KLF12: variants seen among roughly 807,000 people sequenced by gnomAD.
KLF12 encodes KLF transcription factor 12.
A neutral mutation model predicts 37.8 loss-of-function variants in KLF12; 9 were observed. The observed-to-expected ratio is 0.24, with a 90% CI of 0.14 to 0.42. The LOEUF (loss-of-function observed/expected upper bound fraction) is 0.42. Ranked by LOEUF, KLF12 falls within the 10% of genes least tolerant of loss-of-function variation. KLF12 has a pLI of 1.00. For synonymous variants in KLF12, 208 were observed against 202.1 expected (o/e 1.03, Z -0.25); for missense variants, 411 against 516.0 (o/e 0.80, Z 1.97).
chr13:73,715,327 C>G (rs1306685471), intron 7 of KLF12, 41 bp downstream of exon 7: 12 of 1,581,652 alleles, frequency 7.6e-6, no homozygotes, highest in Non-Finnish European at 1.0e-5. Flanking sequence ...GCTTTATGGA[C>G]TCTCACTGGC....
chr13:73,741,501 T>C (rs1483958778), intron 6 of KLF12, among the ~76,000 whole-genome samples: 1 of 152,222 alleles, frequency 6.6e-6, no homozygotes, highest in African/African-American at 2.4e-5. Flanking sequence ...ATCTGCCAGA[T>C]CCCAACTATT....
chr13:73,771,113 G>C (rs555073034), intron 5 of KLF12, among the ~76,000 whole-genome samples: 18 of 152,212 alleles, frequency 1.2e-4, no homozygotes, highest in Middle Eastern at 3.4e-3. Flanking sequence ...TCAACTGTAA[G>C]ATGCCCTCCC....
the KLF12 span, among the ~76,000 whole-genome samples, chr13:74,243,010 T>C: frequency 6.6e-6 from 1 of 152,202 alleles, no homozygotes; most frequent in African/African-American, 2.4e-5. Context: ...TACATAGGTA[T>C]ACATGTGCCA....
intron 1 of KLF12, among the ~76,000 whole-genome samples, chr13:74,067,579 C>T (rs1477269151): frequency 6.6e-6 from 1 of 152,046 alleles, no homozygotes; most frequent in African/African-American, 2.4e-5. Context: ...AAAGGCCTTT[C>T]AAGTATTGAA....
At chr13:73,828,010 C>G (rs1883944534) in intron 4 of KLF12, among the ~76,000 whole-genome samples, 1 of 152,060 alleles carries the variant, frequency 6.6e-6, no homozygotes, top group Non-Finnish European at 1.5e-5. Flanking sequence ...CTTTATGAGT[C>G]TTATCAGCAT....
chr13:73,836,093 A>C (rs576390952), intron 4 of KLF12, among the ~76,000 whole-genome samples: 1 of 152,260 alleles, frequency 6.6e-6, no homozygotes, highest in African/African-American at 2.4e-5. Flanking sequence ...ACAATTGGCC[A>C]ATGATCAAAG....
intron 1 of KLF12, 107 bp from the exon 2 acceptor site, chr13:73,995,160 G>T: frequency 1.4e-6 from 1 of 710,162 alleles, no homozygotes; most frequent in Non-Finnish European, 2.4e-6. Context: ...CCTTAAGCTC[G>T]TGATCATAGA....
intron 4 of KLF12, among the ~76,000 whole-genome samples, chr13:73,831,358 G>A (rs115371981): frequency 0.012 from 1,853 of 152,144 alleles, 18 homozygotes; most frequent in African/African-American, 0.028. Flanking sequence ...GTTGGTTATT[G>A]TCAGGCTTAA....
At chr13:73,714,639 C>T (rs962632415) in intron 7 of KLF12, among the ~76,000 whole-genome samples, 1 of 152,270 alleles carries the variant, frequency 6.6e-6, no homozygotes, top group Middle Eastern at 3.4e-3. Context: ...TTGCCAGGGC[C>T]TTGCACTGGA....
chr13:74,127,434 C>G (rs1225727887), intron 1 of KLF12, among the ~76,000 whole-genome samples: 2 of 152,052 alleles, frequency 1.3e-5, no homozygotes, highest in African/African-American at 4.8e-5. Context: ...TTGTGGGGCC[C>G]GAGAATACCA....
At chr13:74,010,418 C>T (rs192961769) in intron 1 of KLF12, among the ~76,000 whole-genome samples, 13 of 152,212 alleles carry the variant, frequency 8.5e-5, no homozygotes, top group Non-Finnish European at 1.5e-4. Context: ...AATGACTATT[C>T]CCCTCCTGAT....
the KLF12 span, among the ~76,000 whole-genome samples, chr13:74,142,548 C>T: frequency 3.9e-5 from 6 of 152,164 alleles, no homozygotes; most frequent in African/African-American, 1.4e-4. Context: ...CCATACCCTC[C>T]CTTACAAGAC....
At chr13:74,135,714 G>A (rs1023486681), upstream of KLF12, among the ~76,000 whole-genome samples, 1 of 152,088 alleles carries the variant, frequency 6.6e-6, no homozygotes, top group African/African-American at 2.4e-5. Context: ...CCCCGGCCCG[G>A]CCCGCCCCGC....
At chr13:73,805,329 T>G (rs1392489530) in intron 5 of KLF12, among the ~76,000 whole-genome samples, 1 of 152,074 alleles carries the variant, frequency 6.6e-6, no homozygotes, top group Non-Finnish European at 1.5e-5. Context: ...TTAGAAGTTT[T>G]AAAATTAATG....
intron 1 of KLF12, among the ~76,000 whole-genome samples, chr13:74,052,767 T>C (rs1299278018): frequency 6.6e-6 from 1 of 152,072 alleles, no homozygotes. Flanking sequence ...TGTCTGTCCT[T>C]CCCTCCCATT....
At chr13:74,231,938 T>A in the KLF12 span, among the ~76,000 whole-genome samples, 3 of 152,194 alleles carry the variant, frequency 2.0e-5, no homozygotes, top group East Asian at 5.8e-4. Context: ...GCAGAGAGCA[T>A]CTAACCTATT....
At chr13:73,711,992 G>T (rs1875433789) in intron 7 of KLF12, among the ~76,000 whole-genome samples, 1 of 152,096 alleles carries the variant, frequency 6.6e-6, no homozygotes, top group Admixed American at 6.5e-5. Flanking sequence ...AGGGATTCAG[G>T]GCTTCCATGG....
chr13:73,717,730 T>C lies in KLF12; in HGVS notation c.870-2205A>G, dbSNP rs146124522. Among the ~76,000 whole-genome samples the C allele has an allele frequency of 5.9e-3, 894 of 152,344 alleles. 4 individuals are homozygous for C. The highest frequency in any genetic ancestry group is 0.027 in the Middle Eastern group (8 of 294). On this transcript the variant is annotated intron_variant, in intron 6 of 7. Coordinates refer to ENST00000377669, the MANE Select transcript of KLF12 (RefSeq NM_007249.5). ...TGTGGATCTGTGGTTTTCCACATAA[T>C]TGACTCACAGTTGCAGGGATCGGAG...
At chr13:73,760,064 G>A (rs1042583741) in intron 6 of KLF12, among the ~76,000 whole-genome samples, 1 of 152,058 alleles carries the variant, frequency 6.6e-6, no homozygotes, top group Non-Finnish European at 1.5e-5. Context: ...ACATTGAAGT[G>A]TGAAAAGGCT....
Sources: allele counts gnomAD v4.1 joint callset (sites outside exome capture counted in the v4.1 genomes callset), GRCh38; gene constraint gnomAD v4.1.1; transcripts MANE v1.5; gene names NCBI Gene and HGNC (gene_info 2026-07-23, HGNC 2026-07-21).